The following ADAMTS19 variants were observed in gnomAD, a reference collection of about 807,000 sequenced individuals.
ADAMTS19 encodes A disintegrin and metalloproteinase with thrombospondin motifs 19.
A neutral mutation model predicts 153.3 loss-of-function variants in ADAMTS19; 93 were observed. That is an observed-to-expected ratio of 0.61 (90% CI 0.51 to 0.72). The LOEUF (loss-of-function observed/expected upper bound fraction) is 0.72, where lower values mean the gene tolerates loss of function less well. ADAMTS19 is among the 30% of genes least tolerant of loss of function. The pLI, the probability that ADAMTS19 is intolerant of heterozygous loss-of-function variation, is 0.00. For missense variants in ADAMTS19, 1,482 were observed against 1,552.1 expected (o/e 0.95, Z 0.76); for synonymous variants, 600 against 556.6 (o/e 1.08, Z -1.10).
chr5:129,735,052 C>T lies in ADAMTS19; in HGVS notation c.3433C>T (p.His1145Tyr). Residue 1145 changes from histidine to tyrosine, a missense_variant, in exon 22 of 23, where the codon CAT (histidine) becomes TAT (tyrosine). This residue lies in a region of ADAMTS19 where 616 missense variants were observed against 724.4 expected (regional missense o/e 0.85). Transcript: ENST00000274487. ...AAAACCTGCAGCATACAGGCCATGCCATCTTCAACCCTGCAATGAGAAAAT... is the reference window on the plus strand; with the variant it reads ...AAAACCTGCAGCATACAGGCCATGCTATCTTCAACCCTGCAATGAGAAAAT... ...SEKPAAYRPC[H>Y]LQPCNEKINV... 1 of 1,610,226 alleles carries T rather than the reference C, an allele frequency of 6.2e-7. No homozygotes were observed. The highest frequency in any genetic ancestry group is 8.5e-7 in the Non-Finnish European group (1 of 1,178,122).
intron 7 of ADAMTS19, among the ~76,000 whole-genome samples, chr5:129,580,350 T>A (rs1385022131): frequency 1.3e-5 from 2 of 151,974 alleles, no homozygotes; most frequent in Non-Finnish European, 2.9e-5. Context: ...AACGATGGGG[T>A]TTTCTAAACA....
chr5:129,580,667 C>T (rs757567478), intron 7 of ADAMTS19, among the ~76,000 whole-genome samples: 5 of 151,968 alleles, frequency 3.3e-5, no homozygotes, highest in Non-Finnish European at 5.9e-5. Context: ...TATTGATGGC[C>T]GTTTCTGCAT....
chr5:129,735,140 A>G (rs1757611118), intron 22 of ADAMTS19, 31 bp downstream of exon 22: 1 of 1,508,390 alleles, frequency 6.6e-7, no homozygotes, highest in Non-Finnish European at 8.9e-7. Flanking sequence ...GATGCTTTTG[A>G]AAAACATAGA....
intron 19 of ADAMTS19, among the ~76,000 whole-genome samples, chr5:129,699,329 A>T (rs758966772): frequency 2.6e-5 from 4 of 151,848 alleles, no homozygotes; most frequent in Non-Finnish European, 5.9e-5. Context: ...AGGCTGAGGC[A>T]GGAGAACAGC....
chr5:129,503,827 CAAA>C (rs985568552), intron 2 of ADAMTS19, among the ~76,000 whole-genome samples: 1 of 145,456 alleles, frequency 6.9e-6, no homozygotes, highest in South Asian at 2.2e-4. Flanking sequence ...CACTCCATCT[CAAA>C]AAAAAAAGAA....
intron 6 of ADAMTS19, among the ~76,000 whole-genome samples, chr5:129,543,493 G>T (rs1752736832): frequency 6.6e-6 from 1 of 152,240 alleles, no homozygotes; most frequent in African/African-American, 2.4e-5. Flanking sequence ...AGACAGCACA[G>T]TGTAACATTA....
chr5:129,478,589 C>T (rs1750304201), intron 2 of ADAMTS19, among the ~76,000 whole-genome samples: 1 of 152,144 alleles, frequency 6.6e-6, no homozygotes, highest in African/African-American at 2.4e-5. Flanking sequence ...CTCTGTCATC[C>T]AGTCTGGAGT....
rs1752061414 is a variant in ADAMTS19 at position 129,527,635 on chromosome 5, A to AG, written c.1087-113_1087-112insG. ...TACAAGCTTTTTTTTTTTTTTTTTA[A>AG]AAAAAAAAAAAGATGTCTCAACTAA... On this transcript the variant is annotated intron_variant, in intron 4 of 22. Coordinates refer to ENST00000274487, the MANE Select transcript of ADAMTS19 (RefSeq NM_133638.6). 2.1e-5 allele frequency: 6 copies of AG among 281,018 alleles called. No homozygotes were observed. In the Admixed American group the frequency reaches 3.2e-4, roughly 15 times the overall value. The allele number at this position is 281,018 out of a possible 1,614,324, so 17.4% of individuals were successfully genotyped here.
At chr5:129,624,063 C>A (rs1404834928) in intron 10 of ADAMTS19, among the ~76,000 whole-genome samples, 1 of 129,404 alleles carries the variant, frequency 7.7e-6, no homozygotes, top group Non-Finnish European at 1.6e-5. Flanking sequence ...GGAGGTGGAG[C>A]TTGCAGTGAG....
chr5:129,616,209 A>G (rs555684499), intron 8 of ADAMTS19, among the ~76,000 whole-genome samples: 1 of 151,996 alleles, frequency 6.6e-6, no homozygotes, highest in Non-Finnish European at 1.5e-5. Flanking sequence ...TGAACACACA[A>G]TAGTGAAATT....
At chr5:129,575,307 G>T (rs1021716340) in intron 7 of ADAMTS19, among the ~76,000 whole-genome samples, 2 of 152,152 alleles carry the variant, frequency 1.3e-5, no homozygotes, top group East Asian at 3.9e-4. Flanking sequence ...TTGCTAGCAT[G>T]ATATTTAATT....
intron 10 of ADAMTS19, among the ~76,000 whole-genome samples, chr5:129,628,620 G>A (rs1323958150): frequency 6.6e-6 from 1 of 152,018 alleles, no homozygotes; most frequent in African/African-American, 2.4e-5. Context: ...TAAAAGTATA[G>A]CAGAAAATAG....
intron 7 of ADAMTS19, among the ~76,000 whole-genome samples, chr5:129,580,398 C>T (rs1048906834): frequency 6.6e-6 from 1 of 152,140 alleles, no homozygotes; most frequent in African/African-American, 2.4e-5. Context: ...ATTTGACTTC[C>T]TCTATTCCTA....
intron 7 of ADAMTS19, among the ~76,000 whole-genome samples, chr5:129,573,572 G>T (rs140110544): frequency 1.0e-3 from 159 of 152,108 alleles, no homozygotes; most frequent in African/African-American, 3.7e-3. Flanking sequence ...CGGAATAGAA[G>T]TGAATTTCTG....
At chr5:129,677,409 A>T (rs1754598046) in intron 16 of ADAMTS19, among the ~76,000 whole-genome samples, 3 of 152,010 alleles carry the variant, frequency 2.0e-5, no homozygotes, top group Admixed American at 2.0e-4. Flanking sequence ...TCTGGGAGGC[A>T]GAAGTTGCAG....
chr5:129,576,774 T>C (rs1269272801), intron 7 of ADAMTS19, among the ~76,000 whole-genome samples: 4 of 152,140 alleles, frequency 2.6e-5, no homozygotes, highest in African/African-American at 7.2e-5. Context: ...CAGAGCACAC[T>C]GTTGGATTTG....
At chr5:129,734,168 G>A (rs1372655650) in intron 21 of ADAMTS19, among the ~76,000 whole-genome samples, 1 of 151,724 alleles carries the variant, frequency 6.6e-6, no homozygotes, top group Non-Finnish European at 1.5e-5. Flanking sequence ...AGAGAAAATA[G>A]ACATTGAGGT....
At chr5:129,476,206 C>G (rs1226491476) in intron 2 of ADAMTS19, among the ~76,000 whole-genome samples, 5 of 151,796 alleles carry the variant, frequency 3.3e-5, no homozygotes, top group Non-Finnish European at 7.4e-5. Flanking sequence ...TACTGGTAGT[C>G]CATATTACAG....
chr5:129,460,993 T>C (rs1749627644), intron 1 of ADAMTS19, 109 bp from the exon 2 acceptor site: 5 of 1,238,208 alleles, frequency 4.0e-6, no homozygotes, highest in African/African-American at 1.6e-5. Context: ...GTGGTCTCCA[T>C]TGCATTCAAC....
Sources: gnomAD v4.1 joint callset for allele counts (sites outside exome capture counted in the v4.1 genomes callset) on GRCh38, gnomAD v4.1.1 for gene constraint, gnomAD v4.1.1 regional missense constraint, MANE v1.5 for transcripts, NCBI Gene and HGNC (gene_info 2026-07-23, HGNC 2026-07-21) for gene names.